The following ZC3H13 variants were observed in gnomAD, a reference collection of about 807,000 sequenced individuals.
ZC3H13 encodes zinc finger CCCH domain-containing protein 13.
In ZC3H13, 64 loss-of-function variants were observed where a neutral mutation model predicts 204.1. The ratio of observed to expected loss-of-function variants is 0.31; its 90% CI spans 0.26 to 0.39. The LOEUF is 0.39. Ranked by LOEUF, ZC3H13 falls within the 10% of genes least tolerant of loss-of-function variation. The probability of loss-of-function intolerance (pLI) is 1.00; values close to 1 mark genes in which losing one functional copy is unlikely to be tolerated. For synonymous variants in ZC3H13, 667 were observed against 693.7 expected (o/e 0.96, Z 0.60); for missense variants, 1,833 against 2,082.7 (o/e 0.88, Z 2.33).
At chr13:46,008,809 T>C (rs2041341486) in intron 7 of ZC3H13, among the ~76,000 whole-genome samples, 2 of 152,140 alleles carry the variant, frequency 1.3e-5, no homozygotes, top group South Asian at 4.1e-4. Flanking sequence ...ATTTACTCAA[T>C]TGCATGAACA....
intron 17 of ZC3H13, chr13:45,962,338 G>A: frequency 2.0e-6 from 2 of 985,376 alleles, no homozygotes; most frequent in Non-Finnish European, 2.4e-6. Context: ...CAATAAGTAA[G>A]GGCCGAACTG....
chr13:46,038,226 T>C (rs972432396), intron 4 of ZC3H13, among the ~76,000 whole-genome samples: 1 of 152,198 alleles, frequency 6.6e-6, no homozygotes, highest in African/African-American at 2.4e-5. Context: ...CACAAGCTCC[T>C]CAAACACATT....
intron 15 of ZC3H13, 122 bp from the exon 16 acceptor site, chr13:45,965,554 A>G (rs1429870505): frequency 1.2e-6 from 1 of 849,328 alleles, no homozygotes; most frequent in Admixed American, 3.3e-5. Flanking sequence ...TCATCAGAAA[A>G]CTGTATCTCT....
At chr13:45,993,584 TTTTA>T (rs769589951) in intron 8 of ZC3H13, among the ~76,000 whole-genome samples, 5 of 152,230 alleles carry the variant, frequency 3.3e-5, no homozygotes, top group Non-Finnish European at 7.3e-5. Flanking sequence ...AAAGTCTGGA[TTTTA>T]TTCTAAGCAT....
chr13:46,002,804 G>A (rs1186733561), intron 8 of ZC3H13, among the ~76,000 whole-genome samples: 1 of 152,042 alleles, frequency 6.6e-6, no homozygotes, highest in Non-Finnish European at 1.5e-5. Flanking sequence ...CAGATACAGA[G>A]TTTCAGATTT....
At chr13:46,015,733 G>A (rs892775397) in intron 5 of ZC3H13, among the ~76,000 whole-genome samples, 7 of 152,048 alleles carry the variant, frequency 4.6e-5, no homozygotes, top group Non-Finnish European at 8.8e-5. Flanking sequence ...AAGTTTTATA[G>A]GCGTAGTTAG....
At chr13:46,029,246 C>T (rs1343621672) in intron 4 of ZC3H13, among the ~76,000 whole-genome samples, 1 of 152,074 alleles carries the variant, frequency 6.6e-6, no homozygotes, top group Non-Finnish European at 1.5e-5. Context: ...CCAAAACTCA[C>T]ACAAGGAGAA....
At chr13:46,048,586 A>AC (rs1374375936) in intron 1 of ZC3H13, among the ~76,000 whole-genome samples, 2 of 150,170 alleles carry the variant, frequency 1.3e-5, no homozygotes, top group African/African-American at 2.4e-5. Context: ...GCCTCAAAAA[A>AC]AAAAAAAAAA....
chr13:45,994,884 A>G (rs2040219960), intron 8 of ZC3H13, among the ~76,000 whole-genome samples: 1 of 152,150 alleles, frequency 6.6e-6, no homozygotes, highest in Non-Finnish European at 1.5e-5. Flanking sequence ...TTTCCCAGAC[A>G]TAATACCTTC....
chr13:46,027,108 T>C (rs919380624), intron 4 of ZC3H13, among the ~76,000 whole-genome samples: 1 of 151,666 alleles, frequency 6.6e-6, no homozygotes. Flanking sequence ...GTGTTTTTTA[T>C]TTTTTTTTAT....
chr13:45,993,825 A>C (rs183168026), intron 8 of ZC3H13, among the ~76,000 whole-genome samples: 1 of 152,338 alleles, frequency 6.6e-6, no homozygotes, highest in East Asian at 1.9e-4. Context: ...GTCTGTGGGA[A>C]TCTTTTAAAA....
intron 5 of ZC3H13, among the ~76,000 whole-genome samples, chr13:46,018,580 C>T (rs2042050076): frequency 6.6e-6 from 1 of 152,000 alleles, no homozygotes; most frequent in Non-Finnish European, 1.5e-5. Flanking sequence ...AAAGTTTAGG[C>T]ACAAATAAAA....
At chr13:45,982,885 A>G (rs1953777429) in intron 10 of ZC3H13, among the ~76,000 whole-genome samples, 1 of 152,224 alleles carries the variant, frequency 6.6e-6, no homozygotes, top group African/African-American at 2.4e-5. Context: ...ACCTGGCATA[A>G]ACAGTCATTC....
intron 15 of ZC3H13, among the ~76,000 whole-genome samples, chr13:45,966,248 C>A (rs1952075544): frequency 6.6e-6 from 1 of 152,166 alleles, no homozygotes; most frequent in East Asian, 1.9e-4. Context: ...CAAAATGTAA[C>A]CATATGCTTT....
rs191340866 is a variant in ZC3H13 at position 45,980,174 on chromosome 13, T to G, written c.1721-170A>C. Among the ~76,000 whole-genome samples the G allele has an allele frequency of 1.8e-3, 281 of 152,184 alleles. 5 individuals are homozygous for G. Among genetic ancestry groups the G allele is most frequent in the Admixed American group, 0.017 (267 of 15,282 alleles). ...GCAATGAATCAGAACAACCAAGGTG[T>G]CCAATGACTGACCTGAGTAGACGAA... On this transcript the variant is annotated intron_variant, in intron 10 of 18. Coordinates refer to ENST00000679008, the MANE Select transcript of ZC3H13 (RefSeq NM_001330564.2).
intron 4 of ZC3H13, among the ~76,000 whole-genome samples, chr13:46,028,423 G>C (rs2042675291): frequency 6.6e-6 from 1 of 152,176 alleles, no homozygotes; most frequent in Admixed American, 6.5e-5. Context: ...CAGGAAGTCA[G>C]TAAAAACACA....
In ZC3H13 at chr13:45,975,491, CTCTT is replaced by C. The variant is rs774748324; in HGVS notation, c.2256_2259del (p.Arg753LysfsTer111). On this transcript the variant is annotated frameshift_variant, in exon 12 of 19. Coordinates refer to ENST00000679008, the MANE Select transcript of ZC3H13 (RefSeq NM_001330564.2). LOFTEE classifies it high-confidence loss of function. ...CGCTCTCTCTCCCTCTCTCTCTCTT[CTCTT>C]TCTCGTTCCCGTTCTTTTTCCCTGT... 1 of 1,612,804 alleles carries C rather than the reference CTCTT, an allele frequency of 6.2e-7. No individual in the cohort carries two copies. Among genetic ancestry groups the C allele is most frequent in the African/African-American group, 1.3e-5 (1 of 74,708 alleles).
chr13:45,986,742 G>A (rs181660071), intron 9 of ZC3H13, among the ~76,000 whole-genome samples: 2 of 152,240 alleles, frequency 1.3e-5, no homozygotes, highest in African/African-American at 4.8e-5. Flanking sequence ...TTATACTCTG[G>A]AATTGCCCTA....
intron 12 of ZC3H13, among the ~76,000 whole-genome samples, chr13:45,970,728 G>C (rs1176668202): frequency 6.6e-6 from 1 of 152,056 alleles, no homozygotes. Context: ...AAAATTGCCA[G>C]ATTTAAATAC....
Sources: gnomAD v4.1 joint callset for allele counts (sites outside exome capture counted in the v4.1 genomes callset) on GRCh38, gnomAD v4.1.1 for gene constraint, MANE v1.5 for transcripts, NCBI Gene and HGNC (gene_info 2026-07-23, HGNC 2026-07-21) for gene names.